Variants in CNTNAP2 observed in about 807,000 individuals in gnomAD.
The protein encoded by CNTNAP2 is contactin associated protein 2.
A neutral mutation model predicts 155.2 loss-of-function variants in CNTNAP2; 98 were observed. The observed-to-expected ratio is 0.63, with a 90% confidence interval of 0.54 to 0.75. CNTNAP2 has a LOEUF of 0.75. Ranked by LOEUF, CNTNAP2 falls within the 30% of genes least tolerant of loss-of-function variation. The probability of loss-of-function intolerance (pLI) is 0.00; values close to 1 mark genes in which losing one functional copy is unlikely to be tolerated. For missense variants in CNTNAP2, 1,727 were observed against 1,688.1 expected (o/e 1.02, Z -0.40); for synonymous variants, 651 against 631.2 (o/e 1.03, Z -0.47).
At chr7:147,357,060 C>T (rs1381129391) in intron 9 of CNTNAP2, among the ~76,000 whole-genome samples, 1 of 152,094 alleles carries the variant, frequency 6.6e-6, no homozygotes. Context: ...TCATCAAAAC[C>T]TGCTAATTGC....
chr7:147,468,078 G>A (rs936391896), intron 10 of CNTNAP2, among the ~76,000 whole-genome samples: 18 of 151,924 alleles, frequency 1.2e-4, no homozygotes, highest in African/African-American at 4.1e-4. Context: ...GAGGCCAGGA[G>A]TTCAAGGCCA....
At chr7:147,781,473 A>G (rs893140306) in intron 13 of CNTNAP2, among the ~76,000 whole-genome samples, 9 of 152,222 alleles carry the variant, frequency 5.9e-5, no homozygotes, top group Non-Finnish European at 4.4e-5. Flanking sequence ...GACGGGGTTC[A>G]GGAAATACTA....
intron 1 of CNTNAP2, among the ~76,000 whole-genome samples, chr7:146,248,433 G>A (rs1799699717): frequency 6.6e-6 from 1 of 152,114 alleles, no homozygotes; most frequent in Non-Finnish European, 1.5e-5. Context: ...GAATAATCAG[G>A]GACGCATCCC....
chr7:146,834,197 A>G (rs1379601976), intron 2 of CNTNAP2, among the ~76,000 whole-genome samples: 2 of 152,174 alleles, frequency 1.3e-5, no homozygotes, highest in Non-Finnish European at 2.9e-5. Flanking sequence ...TCACTACAAC[A>G]GAAACTCCAT....
chr7:148,413,446 A>ATATT (rs1799900831), intron 23 of CNTNAP2, among the ~76,000 whole-genome samples: 1 of 108,162 alleles, frequency 9.2e-6, no homozygotes, highest in African/African-American at 3.7e-5. Flanking sequence ...ATATATATAT[A>ATATT]TTGCTCCATA....
intron 4 of CNTNAP2, among the ~76,000 whole-genome samples, chr7:147,057,409 A>C (rs1160771982): frequency 6.6e-6 from 1 of 152,076 alleles, no homozygotes; most frequent in African/African-American, 2.4e-5. Flanking sequence ...TCTTCTTTCT[A>C]AAATAAAAGA....
At chr7:148,153,500 C>T (rs780579743) in intron 17 of CNTNAP2, among the ~76,000 whole-genome samples, 7 of 152,162 alleles carry the variant, frequency 4.6e-5, no homozygotes, top group Non-Finnish European at 1.0e-4. Context: ...CAGCATATGA[C>T]GAGCTCCCTG....
chr7:146,365,595 CT>C (rs1795143585), intron 1 of CNTNAP2, among the ~76,000 whole-genome samples: 1 of 152,146 alleles, frequency 6.6e-6, no homozygotes, highest in Admixed American at 6.6e-5. Context: ...TGTTTTACAA[CT>C]ACTTGTCTAG....
chr7:147,362,743 C>T (rs956971421), intron 9 of CNTNAP2, among the ~76,000 whole-genome samples: 1 of 152,136 alleles, frequency 6.6e-6, no homozygotes, highest in African/African-American at 2.4e-5. Flanking sequence ...GTGAAGCCAA[C>T]TCTAAAACTG....
chr7:148,136,025 G>GGAAGGAAAGA lies in CNTNAP2; in HGVS notation c.2555-11466_2555-11465insGAAGGAAAGA, dbSNP rs1563211121. Among the ~76,000 whole-genome samples the GGAAGGAAAGA allele has an allele frequency of 3.8e-3, 119 of 30,950 alleles. 4 individuals are homozygous for GGAAGGAAAGA. Among genetic ancestry groups the GGAAGGAAAGA allele is most frequent in the African/African-American group, 0.023 (108 of 4,796 alleles). 20.3% of individuals were successfully genotyped at this position (30,950 alleles called of 152,430 possible). A position where few individuals can be genotyped will look rare whatever the true frequency, so the allele number is the denominator to read the frequency against. ...GAAGGAAGGAAGGAAGGAAGGGAGG[G>GGAAGGAAAGA]AGGGAGGGAGGGAGGGAGGGAGGGG... On this transcript the variant is annotated intron_variant, in intron 16 of 23. Coordinates refer to ENST00000361727, the MANE Select transcript of CNTNAP2 (RefSeq NM_014141.6).
At chr7:147,619,828 C>T (rs1045932359) in intron 12 of CNTNAP2, among the ~76,000 whole-genome samples, 85 of 152,142 alleles carry the variant, frequency 5.6e-4, no homozygotes, top group Admixed American at 5.2e-3. Flanking sequence ...GAGCCTTGAG[C>T]GAACATAGGC....
At chr7:147,176,239 C>T (rs534483631) in intron 8 of CNTNAP2, among the ~76,000 whole-genome samples, 3 of 152,276 alleles carry the variant, frequency 2.0e-5, no homozygotes, top group African/African-American at 7.2e-5. Context: ...CCATTTACCT[C>T]ATCAGTTGGA....
intron 10 of CNTNAP2, among the ~76,000 whole-genome samples, chr7:147,452,934 G>A (rs191006191): frequency 2.0e-5 from 3 of 151,414 alleles, no homozygotes; most frequent in Non-Finnish European, 4.4e-5. Flanking sequence ...AATAGAATGG[G>A]AGGGAGGGAG....
intron 21 of CNTNAP2, among the ~76,000 whole-genome samples, chr7:148,367,816 C>T (rs982396099): frequency 6.6e-6 from 1 of 151,926 alleles, no homozygotes; most frequent in South Asian, 2.1e-4. Flanking sequence ...CTGCTCATAC[C>T]GAGAAAATGT....
intron 13 of CNTNAP2, among the ~76,000 whole-genome samples, chr7:147,667,802 A>T (rs1019580855): frequency 7.4e-5 from 11 of 149,070 alleles, no homozygotes; most frequent in Admixed American, 2.8e-4. Context: ...CTGCAAAAAA[A>T]AAAAATAATA....
chr7:146,286,284 T>TTCTCTCTC (rs748686755), intron 1 of CNTNAP2, among the ~76,000 whole-genome samples: 1 of 151,132 alleles, frequency 6.6e-6, no homozygotes, highest in Non-Finnish European at 1.5e-5. Flanking sequence ...CAATGATAAC[T>TTCTCTCTC]TCTCTCTCTC....
intron 11 of CNTNAP2, among the ~76,000 whole-genome samples, chr7:147,542,301 TAA>T (rs5888269): frequency 2.1e-5 from 3 of 143,564 alleles, no homozygotes; most frequent in Non-Finnish European, 1.5e-5. Flanking sequence ...TGTTCAGTGG[TAA>T]AAAAAAAAAA....
At chr7:147,765,179 A>T (rs1797364824) in intron 13 of CNTNAP2, among the ~76,000 whole-genome samples, 1 of 152,196 alleles carries the variant, frequency 6.6e-6, no homozygotes, top group African/African-American at 2.4e-5. Context: ...ATGAAACAAA[A>T]CATTCAACAC....
intron 21 of CNTNAP2, among the ~76,000 whole-genome samples, chr7:148,361,346 T>A (rs1317108559): frequency 6.6e-6 from 1 of 152,194 alleles, no homozygotes; most frequent in East Asian, 1.9e-4. Context: ...GTCTTCAGGG[T>A]CTGTCTTCAT....
Sources: gnomAD v4.1 joint callset for allele counts (sites outside exome capture counted in the v4.1 genomes callset) on GRCh38, gnomAD v4.1.1 for gene constraint, MANE v1.5 for transcripts, NCBI Gene and HGNC (gene_info 2026-07-23, HGNC 2026-07-21) for gene names.